Variants in RRAS2 observed in about 807,000 individuals in gnomAD.
The protein encoded by RRAS2 is RAS related 2.
Under a neutral mutation model 27.6 loss-of-function variants are expected in RRAS2, and 7 were observed. The ratio of observed to expected loss-of-function variants is 0.25; its 90% CI spans 0.14 to 0.48. RRAS2 has a LOEUF of 0.48. Ranked by LOEUF, RRAS2 falls within the 20% of genes least tolerant of loss-of-function variation. The pLI, the probability that RRAS2 is intolerant of heterozygous loss-of-function variation, is 0.99. For missense variants in RRAS2, 178 were observed against 256.2 expected, an observed-to-expected ratio of 0.69 and a Z score of 2.08; for synonymous variants, 86 against 90.9, an observed-to-expected ratio of 0.95 and a Z score of 0.31.
intron 4 of RRAS2, among the ~76,000 whole-genome samples, chr11:14,285,015 T>C (rs543186394): frequency 2.0e-5 from 3 of 152,352 alleles, no homozygotes; most frequent in East Asian, 3.9e-4. Flanking sequence ...ATGGATACAG[T>C]TGAGTCATCT....
At chr11:14,301,679 G>A (rs1554947405) in intron 1 of RRAS2, among the ~76,000 whole-genome samples, 1 of 152,010 alleles carries the variant, frequency 6.6e-6, no homozygotes, top group Non-Finnish European at 1.5e-5. Flanking sequence ...TGATCCCATC[G>A]AAAGTGACAT....
At chr11:14,357,370 G>A (rs1490299788) in intron 1 of RRAS2, among the ~76,000 whole-genome samples, 1 of 151,756 alleles carries the variant, frequency 6.6e-6, no homozygotes, top group Non-Finnish European at 1.5e-5. Context: ...TTTGCCATTA[G>A]ATACGTACAA....
At chr11:14,298,130 T>G (rs1479083019) in intron 1 of RRAS2, among the ~76,000 whole-genome samples, 1 of 152,214 alleles carries the variant, frequency 6.6e-6, no homozygotes, top group Non-Finnish European at 1.5e-5. Context: ...TCAGCAGTCT[T>G]TCACAAGCAA....
In RRAS2 at chr11:14,358,979, C is replaced by T; in HGVS notation, c.-109G>A. ...GGCGGGCTGCGGGCGAGCGGCCGGG[C>T]TGGGGTCCCGGGTACCGGGAGGCGT... On this transcript the variant is annotated 5_prime_UTR_variant, in exon 1 of 6. Coordinates refer to ENST00000256196, the MANE Select transcript of RRAS2 (RefSeq NM_012250.6). The surrounding 1 kb of genome is among the most constrained non-coding windows in gnomAD (Gnocchi z 5.1). The T allele has an allele frequency of 8.7e-7, 1 of 1,147,722 alleles. No individual in the cohort carries two copies. The allele number at this position is 1,147,722 out of a possible 1,614,324, so 71.1% of individuals were successfully genotyped here.
chr11:14,358,352 G>A lies in RRAS2; in HGVS notation c.108+411C>T. ...CCACCGCTATCGCCCCGACGGTGAA[G>A]GCGCGGCCGCAGGCGGCTGGAAAAG... is the stretch of plus-strand genomic sequence containing the variant. On this transcript the variant is annotated intron_variant, in intron 1 of 5. Transcript: ENST00000256196. This position sits in a 1 kb window ranked among gnomAD's most constrained non-coding sequence, Gnocchi z 5.1. 1.0e-6 allele frequency: 1 copy of A among 985,552 alleles called. No homozygotes were observed. Among genetic ancestry groups the A allele is most frequent in the Non-Finnish European group, 1.2e-6 (1 of 830,024 alleles). The allele number at this position is 985,552 out of a possible 1,614,324, so 61.1% of individuals were successfully genotyped here.
chr11:14,316,694 G>A (rs1848115875), intron 1 of RRAS2, among the ~76,000 whole-genome samples: 1 of 152,194 alleles, frequency 6.6e-6, no homozygotes. Context: ...AGTGAGCTAT[G>A]ATCGCACCAC....
chr11:14,295,269 T>A (rs1232550144), intron 2 of RRAS2, among the ~76,000 whole-genome samples: 2 of 152,210 alleles, frequency 1.3e-5, no homozygotes, highest in Admixed American at 1.3e-4. Context: ...CCATACTTAG[T>A]GCAGGTGCTA....
intron 1 of RRAS2, among the ~76,000 whole-genome samples, chr11:14,315,360 A>G (rs1554949374): frequency 6.6e-6 from 1 of 152,152 alleles, no homozygotes; most frequent in East Asian, 1.9e-4. Flanking sequence ...ATAACCCTAC[A>G]CCTGTCATGA....
intron 1 of RRAS2, among the ~76,000 whole-genome samples, chr11:14,296,623 T>C (rs1847558616): frequency 6.6e-6 from 1 of 152,220 alleles, no homozygotes; most frequent in African/African-American, 2.4e-5. Flanking sequence ...TTTCATCTTA[T>C]ACCTTTCTTT....
At chr11:14,300,571 C>T (rs1361248458) in intron 1 of RRAS2, among the ~76,000 whole-genome samples, 1 of 152,074 alleles carries the variant, frequency 6.6e-6, no homozygotes, top group Non-Finnish European at 1.5e-5. Context: ...CAAAGCAAGA[C>T]CCTGTTTCCA....
chr11:14,295,416 T>C (rs1338337656), intron 2 of RRAS2, among the ~76,000 whole-genome samples: 1 of 152,188 alleles, frequency 6.6e-6, no homozygotes, highest in Non-Finnish European at 1.5e-5. Flanking sequence ...AGTAACAGTA[T>C]CAAACTTTTT....
At chr11:14,304,057 G>A (rs1847775270) in intron 1 of RRAS2, among the ~76,000 whole-genome samples, 1 of 152,162 alleles carries the variant, frequency 6.6e-6, no homozygotes, top group Non-Finnish European at 1.5e-5. Context: ...GTTTCACCCA[G>A]CAGCCTGAGG....
In RRAS2 at chr11:14,278,974, T is replaced by G. The variant is rs559393629; in HGVS notation, c.*363A>C. 72 of 178,216 alleles carry G rather than the reference T, an allele frequency of 4.0e-4. No individual in the cohort carries two copies. The highest frequency in any genetic ancestry group is 1.5e-3 in the African/African-American group (65 of 42,100). The allele number at this position is 178,216 out of a possible 1,614,324, so 11.0% of individuals were successfully genotyped here. A position where few individuals can be genotyped will look rare whatever the true frequency, so the allele number is the denominator to read the frequency against. On this transcript the variant is annotated 3_prime_UTR_variant, in exon 6 of 6. Transcript: ENST00000256196. The stretch of plus-strand genomic sequence containing the variant: ...CTATTTAGAGTAACAGTAGGCAGTA[T>G]GATTCCAAAAGTTAAAAATTATTTC...
chr11:14,308,451 G>C (rs561314780), intron 1 of RRAS2: 1 of 223,652 alleles, frequency 4.5e-6, no homozygotes, highest in Non-Finnish European at 9.1e-6. Flanking sequence ...ATAAATGAGG[G>C]GTTTGCCCTT....
At chr11:14,305,708 TG>T (rs1376526998) in intron 1 of RRAS2, among the ~76,000 whole-genome samples, 3 of 152,168 alleles carry the variant, frequency 2.0e-5, no homozygotes, top group African/African-American at 7.2e-5. Flanking sequence ...TAGCAGTGTT[TG>T]GGGGTTCCAA....
intron 1 of RRAS2, among the ~76,000 whole-genome samples, chr11:14,299,779 G>C (rs932815591): frequency 6.6e-6 from 1 of 152,216 alleles, no homozygotes; most frequent in Non-Finnish European, 1.5e-5. Flanking sequence ...TATTACTGGG[G>C]GCAAGAGAAG....
intron 4 of RRAS2, 54 bp from the exon 5 acceptor site, chr11:14,281,774 C>T: frequency 7.1e-7 from 1 of 1,417,958 alleles, no homozygotes; most frequent in Non-Finnish European, 9.7e-7. Context: ...GGATTTGTTC[C>T]ATCTAATCCT....
chr11:14,300,575 G>A (rs1398900952), intron 1 of RRAS2, among the ~76,000 whole-genome samples: 2 of 152,012 alleles, frequency 1.3e-5, no homozygotes, highest in Admixed American at 6.6e-5. Flanking sequence ...GCAAGACCCT[G>A]TTTCCACCCC....
intron 1 of RRAS2, among the ~76,000 whole-genome samples, chr11:14,311,156 T>C (rs1038191769): frequency 6.6e-5 from 10 of 152,112 alleles, no homozygotes; most frequent in Non-Finnish European, 1.3e-4. Context: ...GAGACCAGCC[T>C]AGGCAACATA....
Sources: gnomAD v4.1 joint callset for allele counts (sites outside exome capture counted in the v4.1 genomes callset) on GRCh38, gnomAD v4.1.1 for gene constraint, Gnocchi (gnomAD v3.1) non-coding constraint, MANE v1.5 for transcripts, NCBI Gene and HGNC (gene_info 2026-07-23, HGNC 2026-07-21) for gene names.